Variants in GFRA1 observed in about 807,000 individuals in gnomAD.
The protein encoded by GFRA1 is GDNF family receptor alpha 1.
Under a neutral mutation model 51.6 loss-of-function variants are expected in GFRA1, and 16 were observed. The ratio of observed to expected loss-of-function variants is 0.31; its 90% CI spans 0.21 to 0.47. The LOEUF is 0.47. GFRA1 is among the 20% of genes least tolerant of loss of function. GFRA1 has a pLI of 1.00. For synonymous variants in GFRA1, 270 were observed against 241.3 expected (o/e 1.12, Z -1.10); for missense variants, 530 against 594.3 (o/e 0.89, Z 1.13).
At chr10:116,108,392 C>G (rs1208502069) in intron 6 of GFRA1, among the ~76,000 whole-genome samples, 1 of 152,148 alleles carries the variant, frequency 6.6e-6, no homozygotes, top group African/African-American at 2.4e-5. Context: ...TCCATTGTCA[C>G]CAGATGGCAA....
chr10:116,220,309 C>T (rs1217721758), intron 4 of GFRA1, among the ~76,000 whole-genome samples: 5 of 152,204 alleles, frequency 3.3e-5, no homozygotes, highest in African/African-American at 7.2e-5. Flanking sequence ...CCAACATACA[C>T]TTCCTGAAAG....
intron 5 of GFRA1, among the ~76,000 whole-genome samples, chr10:116,207,374 A>G (rs1305703009): frequency 6.6e-6 from 1 of 152,222 alleles, no homozygotes; most frequent in Non-Finnish European, 1.5e-5. Context: ...CTGGCACACC[A>G]TTCCAGATTC....
At chr10:116,164,282 G>T (rs1170380384) in intron 5 of GFRA1, among the ~76,000 whole-genome samples, 2 of 151,328 alleles carry the variant, frequency 1.3e-5, no homozygotes, top group Non-Finnish European at 1.5e-5. Flanking sequence ...CATTCACCGG[G>T]CTTAAAAATT....
chr10:116,102,815 G>A (rs1224186348), intron 6 of GFRA1, among the ~76,000 whole-genome samples: 6 of 152,174 alleles, frequency 3.9e-5, no homozygotes, highest in Non-Finnish European at 8.8e-5. Flanking sequence ...AGATTTGGGT[G>A]GGGACACAGC....
At chr10:116,174,398 TA>T (rs1961374777) in intron 5 of GFRA1, among the ~76,000 whole-genome samples, 1 of 152,336 alleles carries the variant, frequency 6.6e-6, no homozygotes, top group African/African-American at 2.4e-5. Flanking sequence ...TAATAACCTA[TA>T]AATTTTAGTC....
At chr10:116,179,081 GC>G (rs1455627707) in intron 5 of GFRA1, among the ~76,000 whole-genome samples, 2 of 152,180 alleles carry the variant, frequency 1.3e-5, no homozygotes, top group African/African-American at 4.8e-5. Flanking sequence ...AGGCTGGCCA[GC>G]CCCTCAGCAA....
chr10:116,124,206 G>A (rs1003913549), intron 6 of GFRA1, among the ~76,000 whole-genome samples: 3 of 151,636 alleles, frequency 2.0e-5, no homozygotes, highest in Non-Finnish European at 4.4e-5. Flanking sequence ...CGCCAGGCCT[G>A]TGGTTTTTCT....
At chr10:116,117,561 A>ATGGATGGATGGATGGATGGATGGGTGGG (rs1957470692) in intron 6 of GFRA1, among the ~76,000 whole-genome samples, 5 of 106,064 alleles carry the variant, frequency 4.7e-5, no homozygotes, top group Non-Finnish European at 9.8e-5. Flanking sequence ...GGGTGTGTGG[A>ATGGATGGATGGATGGATGGATGGGTGGG]TGGATGGATG....
chr10:116,098,663 G>A (rs1956702490), intron 6 of GFRA1, among the ~76,000 whole-genome samples: 1 of 152,200 alleles, frequency 6.6e-6, no homozygotes. Context: ...CCAGAGACAA[G>A]ACAAAAGGTC....
intron 9 of GFRA1, among the ~76,000 whole-genome samples, chr10:116,087,577 G>A (rs1227596391): frequency 6.6e-6 from 1 of 152,176 alleles, no homozygotes; most frequent in Admixed American, 6.5e-5. Flanking sequence ...TGAGACACGT[G>A]CAGAAAAGAA....
intron 8 of GFRA1, among the ~76,000 whole-genome samples, chr10:116,092,157 A>G (rs1380559105): frequency 6.7e-6 from 1 of 149,672 alleles, no homozygotes; most frequent in African/African-American, 2.4e-5. Context: ...TCGAGACCAA[A>G]TAAGAGGTCC....
chr10:116,119,889 T>G (rs1319994879), intron 6 of GFRA1, among the ~76,000 whole-genome samples: 1 of 152,254 alleles, frequency 6.6e-6, no homozygotes, highest in African/African-American at 2.4e-5. Flanking sequence ...CAACATTACA[T>G]TTCCTCTAAG....
intron 5 of GFRA1, among the ~76,000 whole-genome samples, chr10:116,176,401 G>C (rs1387822106): frequency 6.6e-6 from 1 of 152,056 alleles, no homozygotes; most frequent in African/African-American, 2.4e-5. Context: ...GAGGTGTTTG[G>C]GTCAAGGGGA....
rs1025305309 is a variant in GFRA1 at position 116,059,859 on chromosome 10, C to T, written c.*4539G>A. ...TTGGGGATTAGCATCATCTTCAGAT[C>T]ATCTGGCTCCTGAGAGAGGCTTCTC... On this transcript the variant is annotated 3_prime_UTR_variant, in exon 11 of 11. Transcript: ENST00000355422. 1.3e-5 allele frequency: 2 copies of T among 151,894 alleles called. No individual in the cohort carries two copies. Among genetic ancestry groups the T allele is most frequent in the African/African-American group, 4.9e-5 (2 of 41,164 alleles). 9.4% of individuals were successfully genotyped at this position (151,894 alleles called of 1,614,324 possible).
At chr10:116,171,714 AGCAC>A (rs983952443) in intron 5 of GFRA1, among the ~76,000 whole-genome samples, 2 of 152,224 alleles carry the variant, frequency 1.3e-5, no homozygotes, top group Admixed American at 1.3e-4. Context: ...CTGAGACAGA[AGCAC>A]ATGTTGGCAG....
intron 6 of GFRA1, among the ~76,000 whole-genome samples, chr10:116,119,257 AG>A (rs1339414704): frequency 2.6e-5 from 4 of 152,154 alleles, no homozygotes; most frequent in African/African-American, 9.7e-5. Context: ...CCCTTCTCTC[AG>A]GGTCTTGATG....
intron 5 of GFRA1, among the ~76,000 whole-genome samples, chr10:116,211,209 G>T (rs1349518129): frequency 1.3e-5 from 2 of 152,344 alleles, no homozygotes; most frequent in South Asian, 2.1e-4. Context: ...TGGCATGTTT[G>T]CTTGGCAAAG....
At chr10:116,237,648 A>T in intron 4 of GFRA1, among the ~76,000 whole-genome samples, 1 of 151,564 alleles carries the variant, frequency 6.6e-6, no homozygotes, top group African/African-American at 2.4e-5. Flanking sequence ...TCTTCTCTAG[A>T]TAGCTACATC....
rs557732092 is a variant in GFRA1 at position 116,211,691 on chromosome 10, G to A, written c.419-46C>T. ...TAGGGGAGGGGAGAGGGGAGAAAGA[G>A]AGGAGAAAAAATATTAATAATAATG... is the stretch of plus-strand genomic sequence containing the variant. On this transcript the variant is annotated intron_variant, in intron 4 of 10. Transcript: ENST00000355422. 202 of 1,455,130 alleles carry A rather than the reference G, an allele frequency of 1.4e-4. 1 individual carries two copies. In the South Asian group the frequency reaches 2.3e-3, roughly 17 times the overall value. The allele number at this position is 1,455,130 out of a possible 1,614,324, so 90.1% of individuals were successfully genotyped here.
Sources: gnomAD v4.1 joint callset for allele counts (sites outside exome capture counted in the v4.1 genomes callset) on GRCh38, gnomAD v4.1.1 for gene constraint, MANE v1.5 for transcripts, NCBI Gene and HGNC (gene_info 2026-07-23, HGNC 2026-07-21) for gene names.